CUBN: variants seen among roughly 807,000 people sequenced by gnomAD.
The protein encoded by CUBN is 460 kDa receptor.
In CUBN, 282 loss-of-function variants were observed where a neutral mutation model predicts 405.3. The observed-to-expected ratio is 0.70, with a 90% CI of 0.63 to 0.77. The LOEUF is 0.77. Among genes scored for constraint, CUBN ranks in the 30% least tolerant of loss-of-function variants. The pLI is 0.00. For missense variants in CUBN, 4,514 were observed against 4,475.2 expected (o/e 1.01, Z -0.25); for synonymous variants, 1,684 against 1,617.0 (o/e 1.04, Z -0.99).
chr10:17,125,357 G>C (rs902678652), intron 4 of CUBN, among the ~76,000 whole-genome samples: 1 of 152,060 alleles, frequency 6.6e-6, no homozygotes, highest in African/African-American at 2.4e-5. Context: ...ATAGCCAACT[G>C]ACTCAATACC....
chr10:16,910,076 TTC>T (rs988382006), intron 48 of CUBN, among the ~76,000 whole-genome samples: 2 of 152,102 alleles, frequency 1.3e-5, no homozygotes, highest in African/African-American at 2.4e-5. Context: ...ACTTCTTCTT[TTC>T]TCTTTCTCCC....
In CUBN at chr10:16,869,823, G is replaced by A. The variant is rs200124646; in HGVS notation, c.9267C>T (p.Thr3089=). The change falls in exon 59 of 67, where the codon ACC becomes ACT. Residue 3089 remains threonine, a synonymous_variant. Transcript: ENST00000377833. ...KFSDFDVVPS[T]SCSHDYLAIY... is the part of the protein sequence containing the mutation. ...TTGCCAGGTAGTCATGGGAGCAGGA[G>A]GTGGAGGGAACCACATCAAAATCAC... is the stretch of plus-strand genomic sequence containing the variant. 92 of 1,613,674 alleles carry A rather than the reference G, an allele frequency of 5.7e-5. 1 individual carries two copies. Among genetic ancestry groups the A allele is most frequent in the African/African-American group, 1.2e-4 (9 of 74,896 alleles).
chr10:17,050,104 A>G (rs1169901659), intron 22 of CUBN, among the ~76,000 whole-genome samples: 1 of 152,036 alleles, frequency 6.6e-6, no homozygotes, highest in African/African-American at 2.4e-5. Context: ...AACTACCCCT[A>G]AACTCCAATC....
chr10:16,907,499 C>T lies in CUBN; in HGVS notation c.7705+9G>A, dbSNP rs775765883. On this transcript the variant is annotated intron_variant, in intron 49 of 66. Transcript: ENST00000377833. Reference sequence around the variant, plus strand: ...TAAAATGGGGGGCATTTACAACATCCTACATTACCTGCATCTTCACTGGAG... The same window carrying T: ...TAAAATGGGGGGCATTTACAACATCTTACATTACCTGCATCTTCACTGGAG... 11 of 1,613,926 alleles carry T rather than the reference C, an allele frequency of 6.8e-6. No homozygotes were observed. In the Admixed American group the frequency reaches 1.7e-4, roughly 24 times the overall value.
At chr10:16,903,443 A>C (rs1342782898) in intron 51 of CUBN, among the ~76,000 whole-genome samples, 3 of 152,062 alleles carry the variant, frequency 2.0e-5, no homozygotes, top group Admixed American at 2.0e-4. Flanking sequence ...CAAGAAAATG[A>C]AATTCTGTAT....
intron 14 of CUBN, among the ~76,000 whole-genome samples, chr10:17,098,910 G>C (rs999617675): frequency 6.6e-6 from 1 of 152,106 alleles, no homozygotes; most frequent in African/African-American, 2.4e-5. Context: ...TAAATGAAAA[G>C]AGAACTAAAT....
chr10:16,897,903 T>C (rs1841238176), intron 54 of CUBN, among the ~76,000 whole-genome samples: 1 of 152,166 alleles, frequency 6.6e-6, no homozygotes, highest in African/African-American at 2.4e-5. Context: ...AGAGAAGGAA[T>C]GAGCCTAGGC....
intron 62 of CUBN, among the ~76,000 whole-genome samples, chr10:16,837,151 T>A (rs1839196853): frequency 6.6e-6 from 1 of 151,932 alleles, no homozygotes; most frequent in Non-Finnish European, 1.5e-5. Flanking sequence ...CTTTGCTGTA[T>A]CCTGTGAACT....
chr10:16,844,901 C>T (rs568828816), intron 60 of CUBN, among the ~76,000 whole-genome samples: 4 of 152,308 alleles, frequency 2.6e-5, no homozygotes, highest in South Asian at 2.1e-4. Context: ...CACCATTATA[C>T]GCAGCTACGG....
chr10:16,967,772 G>A (rs1373481939), intron 31 of CUBN, among the ~76,000 whole-genome samples: 1 of 146,100 alleles, frequency 6.8e-6, no homozygotes, highest in African/African-American at 2.6e-5. Flanking sequence ...AGAGAAGGAG[G>A]GAGAAAGAGA....
intron 43 of CUBN, among the ~76,000 whole-genome samples, chr10:16,921,045 T>A (rs1186308942): frequency 1.3e-5 from 2 of 152,220 alleles, no homozygotes; most frequent in African/African-American, 4.8e-5. Flanking sequence ...GTGGTTGTGT[T>A]CAATTCAAGC....
intron 22 of CUBN, among the ~76,000 whole-genome samples, chr10:17,062,506 T>C (rs1474631069): frequency 6.6e-6 from 1 of 152,252 alleles, no homozygotes; most frequent in Non-Finnish European, 1.5e-5. Context: ...AGTCTTGTAG[T>C]TTCTAAGAAC....
intron 62 of CUBN, among the ~76,000 whole-genome samples, chr10:16,839,886 A>T (rs945296367): frequency 4.6e-5 from 7 of 152,142 alleles, no homozygotes; most frequent in Non-Finnish European, 8.8e-5. Flanking sequence ...CTATGCAGCC[A>T]TAAAAAATGA....
chr10:17,005,122 TA>T (rs1203638682), intron 28 of CUBN, among the ~76,000 whole-genome samples: 1 of 152,158 alleles, frequency 6.6e-6, no homozygotes, highest in East Asian at 1.9e-4. Context: ...ATTTCCCACT[TA>T]AAAATCCATT....
At chr10:16,901,895 A>G (rs1182344004) in intron 51 of CUBN, among the ~76,000 whole-genome samples, 1 of 7,544 alleles carries the variant, frequency 1.3e-4, no homozygotes, top group African/African-American at 2.9e-4. Flanking sequence ...TATAGTATAT[A>G]TATATATATA....
chr10:16,825,614 T>G (rs1331216139), intron 66 of CUBN, among the ~76,000 whole-genome samples: 1 of 149,358 alleles, frequency 6.7e-6, no homozygotes, highest in Non-Finnish European at 1.5e-5. Flanking sequence ...TATTTTCATA[T>G]ACTTCTGTGG....
At chr10:16,983,946 C>T (rs921132084) in intron 30 of CUBN, among the ~76,000 whole-genome samples, 159 bp downstream of exon 30, 2 of 152,172 alleles carry the variant, frequency 1.3e-5, no homozygotes, top group African/African-American at 2.4e-5. Flanking sequence ...AACTTTATCA[C>T]GTATTTTAGG....
intron 57 of CUBN, among the ~76,000 whole-genome samples, chr10:16,876,417 A>G (rs1564398472): frequency 6.6e-6 from 1 of 152,202 alleles, no homozygotes; most frequent in African/African-American, 2.4e-5. Flanking sequence ...TGAATATATC[A>G]ATCTTTTCCA....
chr10:17,083,516 A>AATAAATAAATAC (rs59957943), intron 17 of CUBN, among the ~76,000 whole-genome samples: 37 of 142,722 alleles, frequency 2.6e-4, no homozygotes, highest in Middle Eastern at 7.4e-3. Context: ...AAAATAAATA[A>AATAAATAAATAC]ATACATACAT....
Sources: gnomAD v4.1 joint callset for allele counts (sites outside exome capture counted in the v4.1 genomes callset) on GRCh38, gnomAD v4.1.1 for gene constraint, MANE v1.5 for transcripts, NCBI Gene and HGNC (gene_info 2026-07-23, HGNC 2026-07-21) for gene names.